PHYKPL: variants seen among roughly 807,000 people sequenced by gnomAD.
The protein encoded by PHYKPL is 5-phosphohydroxy-L-lysine phospho-lyase, also known as 5-phosphonooxy-L-lysine phospho-lyase.
PHYKPL carries 42 observed loss-of-function variants against 51.3 expected under a neutral mutation model. That is an observed-to-expected ratio of 0.82 (90% confidence interval 0.64 to 1.06). The LOEUF is 1.06. Ranked by LOEUF, PHYKPL falls within the 50% of genes least tolerant of loss-of-function variation. PHYKPL has a pLI of 0.00. For synonymous variants in PHYKPL, 264 were observed against 236.0 expected (o/e 1.12, Z -1.09); for missense variants, 655 against 586.6 (o/e 1.12, Z -1.20).
intron 3 of PHYKPL, chr5:178,229,719 T>C: frequency 2.0e-6 from 1 of 502,682 alleles, no homozygotes; most frequent in East Asian, 3.2e-5. Flanking sequence ...CCAGCAATGA[T>C]CCTAGAAAGG....
intron 12 of PHYKPL, chr5:178,209,509 T>A: frequency 7.1e-7 from 1 of 1,406,834 alleles, no homozygotes; most frequent in Non-Finnish European, 1.0e-6. Context: ...CTTCCAAGCC[T>A]GTCTTGGGGC....
At chr5:178,214,483 C>A (rs1306477086) in intron 10 of PHYKPL, among the ~76,000 whole-genome samples, 2 of 152,178 alleles carry the variant, frequency 1.3e-5, no homozygotes, top group African/African-American at 4.8e-5. Flanking sequence ...GTTCCTGGGT[C>A]TGAGTGCCCT....
intron 6 of PHYKPL, 121 bp downstream of exon 6, chr5:178,224,327 T>A (rs1297762726): frequency 9.0e-7 from 1 of 1,110,570 alleles, no homozygotes; most frequent in Non-Finnish European, 1.3e-6. Flanking sequence ...CTATCCCAGA[T>A]TCCTGGAGGG....
In PHYKPL at chr5:178,231,516, A is replaced by T. The variant is rs1763398414; in HGVS notation, c.67T>A (p.Cys23Ser). The change falls in exon 2 of 13, where the codon TGC becomes AGC. Residue 23 changes from cysteine to serine, a missense_variant. By Grantham distance (112) the Cys-to-Ser change is moderately radical. Transcript: ENST00000308158. Reference protein sequence around the residue: ...ALRQRLISSSCRLFFPEDPVK... With the variant: ...ALRQRLISSSSRLFFPEDPVK... ...GGATCCTCGGGAAAAAAGAGTCTGC[A>T]GGAAGAGCTGTGGGGACAGGCAAGG... The T allele has an allele frequency of 1.2e-6, 2 of 1,614,086 alleles. No individual in the cohort carries two copies. Among genetic ancestry groups the T allele is most frequent in the Non-Finnish European group, 1.7e-6 (2 of 1,180,034 alleles).
At chr5:178,212,111 G>T in intron 11 of PHYKPL, 141 bp from the exon 12 acceptor site, 1 of 813,182 alleles carries the variant, frequency 1.2e-6, no homozygotes, top group Non-Finnish European at 2.0e-6. Flanking sequence ...TCCCCAAAGG[G>T]GTGGCAGCAG....
intron 1 of PHYKPL, 107 bp downstream of exon 1, chr5:178,232,385 C>T: frequency 7.6e-7 from 1 of 1,319,010 alleles, no homozygotes; most frequent in Non-Finnish European, 9.6e-7. Context: ...GTAGCAGCGG[C>T]TTCCTAGCCG....
chr5:178,229,039 T>C (rs933530498), intron 3 of PHYKPL, among the ~76,000 whole-genome samples: 1 of 152,012 alleles, frequency 6.6e-6, no homozygotes, highest in Non-Finnish European at 1.5e-5. Context: ...CCTTTCCTGC[T>C]ACAGGGCCTT....
chr5:178,229,390 G>A lies in PHYKPL; in HGVS notation c.338+550C>T, dbSNP rs200381335. 2.0e-4 allele frequency among the ~76,000 whole-genome samples: 31 copies of A among 152,296 alleles called. No homozygotes were observed. In the East Asian group the frequency reaches 4.8e-3, roughly 24 times the overall value. Reference sequence around the variant, plus strand: ...CCCGAAGTGCTGGGATTACAGGCATGAGCCATCGTGCCCAGCCTTGACGAG... The same window carrying A: ...CCCGAAGTGCTGGGATTACAGGCATAAGCCATCGTGCCCAGCCTTGACGAG... On this transcript the variant is annotated intron_variant, in intron 3 of 12. Coordinates refer to ENST00000308158, the MANE Select transcript of PHYKPL (RefSeq NM_153373.4).
chr5:178,229,192 C>T (rs1025547813), intron 3 of PHYKPL, among the ~76,000 whole-genome samples: 3 of 151,786 alleles, frequency 2.0e-5, no homozygotes, highest in African/African-American at 7.3e-5. Context: ...CTGCAACCTC[C>T]GCCTCCCGGT....
rs1469896000 is a variant in PHYKPL, at chr5:178,232,504, T to TGCCTCAGGGCCAGCGTGTCG, written c.27_46dup (p.Gln16ProfsTer6). The TGCCTCAGGGCCAGCGTGTCG allele has an allele frequency of 7.4e-7, 1 of 1,345,690 alleles. No homozygotes were observed. The highest frequency in any genetic ancestry group is 9.5e-7 in the Non-Finnish European group (1 of 1,056,756). 83.4% of individuals were successfully genotyped at this position (1,345,690 alleles called of 1,614,324 possible). On this transcript the variant is annotated stop_gained and frameshift_variant, in exon 1 of 13. Coordinates refer to ENST00000308158, the MANE Select transcript of PHYKPL (RefSeq NM_153373.4). LOFTEE classifies it high-confidence loss of function. The stretch of plus-strand genomic sequence containing the variant: ...CCCGCCCGGGTACCTGATGAGCCGT[T>TGCCTCAGGGCCAGCGTGTCG]GCCTCAGGGCCAGCGTGTCGGCCTT...
chr5:178,213,034 TG>T lies in PHYKPL; in HGVS notation c.1241del (p.Pro414GlnfsTer20). ...PGRNILKFKPPMCFSLDNARQ... is the reference protein window; with the variant it reads ...PGRNILKFKPXMCFSLDNARQ... ...GTGCATTGTCCAGGCTGAAGCACAT[TG>T]GGGGCTTAAACTTCAGGATGTTCCT... On this transcript the variant is annotated frameshift_variant, in exon 11 of 13. Transcript: ENST00000308158. LOFTEE classifies it high-confidence loss of function. 1 of 1,614,198 alleles carries T rather than the reference TG, an allele frequency of 6.2e-7. No individual in the cohort carries two copies. Among genetic ancestry groups the T allele is most frequent in the Non-Finnish European group, 8.5e-7 (1 of 1,180,032 alleles).
chr5:178,232,416 G>GCGTGCGTGCGT (rs1328181740), intron 1 of PHYKPL, 76 bp downstream of exon 1: 2 of 1,358,366 alleles, frequency 1.5e-6, no homozygotes, highest in Non-Finnish European at 1.9e-6. Context: ...CGTAGTGCGT[G>GCGTGCGTGCGT]CGTGCGTGCG....
At position 178,229,938 on chromosome 5, in the gene PHYKPL, A is replaced by T. The variant is rs1259156064; in HGVS notation, c.338+2T>A. The stretch of plus-strand genomic sequence containing the variant: ...CCCGGGGGCTGGCCACAGTCCACTT[A>T]CCCAGAATTCAGGAAATAGAACACA... On this transcript the variant is annotated splice_donor_variant, in intron 3 of 12. Transcript: ENST00000308158. LOFTEE classifies it high-confidence loss of function. The T allele has an allele frequency of 1.2e-6, 2 of 1,613,054 alleles. No individual in the cohort carries two copies. Among genetic ancestry groups the T allele is most frequent in the Admixed American group, 1.7e-5 (1 of 59,994 alleles).
intron 8 of PHYKPL, among the ~76,000 whole-genome samples, chr5:178,220,742 A>C (rs941705671): frequency 2.6e-5 from 4 of 152,036 alleles, no homozygotes; most frequent in Admixed American, 6.6e-5. Context: ...AAAAAACAAA[A>C]AAAACATGGA....
At chr5:178,226,120 G>GGCTGGA (rs1367891233) in intron 3 of PHYKPL, 6 of 147,480 alleles carry the variant, frequency 4.1e-5, no homozygotes, top group African/African-American at 1.5e-4. Flanking sequence ...CTGTTGCCCG[G>GGCTGGA]GCTGGAGTGC....
chr5:178,209,845 T>C (rs190751629), intron 12 of PHYKPL, among the ~76,000 whole-genome samples: 2 of 152,264 alleles, frequency 1.3e-5, no homozygotes, highest in Non-Finnish European at 2.9e-5. Context: ...CTGCATCTTT[T>C]TAAAGGCTAA....
intron 1 of PHYKPL, chr5:178,232,078 C>T (rs888111517): frequency 8.4e-7 from 1 of 1,185,998 alleles, no homozygotes; most frequent in South Asian, 1.6e-5. Context: ...CTTGTCTGCC[C>T]TTTCAGCCCC....
intron 6 of PHYKPL, 48 bp downstream of exon 6, chr5:178,224,388 CGGTGACAACGGA>C: frequency 2.1e-6 from 3 of 1,451,040 alleles, no homozygotes; most frequent in Non-Finnish European, 2.8e-6. Flanking sequence ...AGCACAGTGG[CGGTGACAACGGA>C]GGTGACATTC....
intron 2 of PHYKPL, chr5:178,230,390 C>T: frequency 3.0e-6 from 1 of 329,836 alleles, no homozygotes; most frequent in Non-Finnish European, 5.6e-6. Flanking sequence ...GGGCCTTACT[C>T]TGTCACCCAG....
Sources: allele counts gnomAD v4.1 joint callset (sites outside exome capture counted in the v4.1 genomes callset), GRCh38; gene constraint gnomAD v4.1.1; transcripts MANE v1.5; gene names NCBI Gene and HGNC (gene_info 2026-07-23, HGNC 2026-07-21).